Variants in DIP2B observed in about 807,000 individuals in gnomAD.
DIP2B encodes DIP2 acetate--CoA ligase B (putative), also known as disco-interacting protein 2 homolog B.
Under a neutral mutation model 198.0 loss-of-function variants are expected in DIP2B, and 76 were observed. The observed-to-expected ratio is 0.38, with a 90% CI of 0.32 to 0.46. DIP2B has a LOEUF of 0.46. Among genes scored for constraint, DIP2B ranks in the 20% least tolerant of loss-of-function variants. The pLI, the probability that DIP2B is intolerant of heterozygous loss-of-function variation, is 0.99. For missense variants in DIP2B, 1,559 were observed against 1,978.4 expected, an observed-to-expected ratio of 0.79 and a Z score of 4.02; for synonymous variants, 701 against 739.1, an observed-to-expected ratio of 0.95 and a Z score of 0.84.
intron 1 of DIP2B, among the ~76,000 whole-genome samples, chr12:50,594,026 C>T (rs1004410318): frequency 6.1e-5 from 9 of 148,694 alleles, no homozygotes; most frequent in Admixed American, 1.4e-4. Flanking sequence ...CTGCAACCTC[C>T]GCCTCCCAGG....
intron 1 of DIP2B, among the ~76,000 whole-genome samples, chr12:50,549,876 T>C (rs1958412107): frequency 6.6e-6 from 1 of 152,136 alleles, no homozygotes; most frequent in Non-Finnish European, 1.5e-5. Context: ...TTTTTTTCTT[T>C]TTTAGATAGA....
chr12:50,676,524 A>G (rs906719302), intron 7 of DIP2B, among the ~76,000 whole-genome samples: 107 of 152,358 alleles, frequency 7.0e-4, no homozygotes, highest in African/African-American at 2.5e-3. Context: ...TAGCCTTTCC[A>G]GTGTTTTTAG....
intron 1 of DIP2B, among the ~76,000 whole-genome samples, chr12:50,510,891 C>T (rs1369174300): frequency 1.3e-5 from 2 of 151,358 alleles, no homozygotes; most frequent in East Asian, 3.9e-4. Flanking sequence ...GTGATCCGCC[C>T]ACCTCGGCCT....
intron 1 of DIP2B, among the ~76,000 whole-genome samples, chr12:50,577,710 G>C (rs1305887133): frequency 6.6e-6 from 1 of 151,348 alleles, no homozygotes; most frequent in Non-Finnish European, 1.5e-5. Flanking sequence ...AATCTCTTTA[G>C]TGTCTGGATT....
intron 32 of DIP2B, among the ~76,000 whole-genome samples, chr12:50,733,888 C>T (rs1940092070): frequency 6.6e-6 from 1 of 152,158 alleles, no homozygotes; most frequent in South Asian, 2.1e-4. Flanking sequence ...TTTGCAAGTC[C>T]CTGGGTTGCC....
intron 3 of DIP2B, among the ~76,000 whole-genome samples, chr12:50,652,945 GT>G (rs34937091): frequency 5.3e-4 from 77 of 145,300 alleles, no homozygotes; most frequent in African/African-American, 6.5e-4. Flanking sequence ...AAACACAACT[GT>G]TTTTTTTTTT....
At chr12:50,588,407 C>T (rs944977338) in intron 1 of DIP2B, among the ~76,000 whole-genome samples, 44 of 152,216 alleles carry the variant, frequency 2.9e-4, no homozygotes, top group African/African-American at 9.9e-4. Context: ...GCCTCAGCCT[C>T]CCAAAGTGCT....
At chr12:50,581,769 A>G (rs1244890156) in intron 1 of DIP2B, among the ~76,000 whole-genome samples, 1 of 152,202 alleles carries the variant, frequency 6.6e-6, no homozygotes, top group African/African-American at 2.4e-5. Context: ...TGCCCTGTCC[A>G]TACTTTACTT....
intron 19 of DIP2B, among the ~76,000 whole-genome samples, chr12:50,700,608 GGCTAA>G (rs1387508771): frequency 6.6e-6 from 1 of 152,062 alleles, no homozygotes; most frequent in Non-Finnish European, 1.5e-5. Flanking sequence ...ACCTGAAAAG[GGCTAA>G]GAGCTCCTGG....
intron 3 of DIP2B, among the ~76,000 whole-genome samples, chr12:50,659,728 G>A (rs1938613116): frequency 6.6e-6 from 1 of 151,992 alleles, no homozygotes; most frequent in Non-Finnish European, 1.5e-5. Flanking sequence ...TAGAACTGAG[G>A]GGTCTCAACC....
intron 1 of DIP2B, among the ~76,000 whole-genome samples, chr12:50,554,988 C>T (rs944079519): frequency 1.4e-5 from 2 of 139,092 alleles, no homozygotes; most frequent in East Asian, 4.6e-4. Flanking sequence ...AGGATGGTCT[C>T]TTGTCTCCTG....
intron 13 of DIP2B, 144 bp downstream of exon 13, chr12:50,691,295 C>A (rs1939218147): frequency 1.3e-6 from 1 of 795,234 alleles, no homozygotes; most frequent in East Asian, 3.0e-5. Context: ...CTTTTGTTTT[C>A]TTCTTCTCAA....
chr12:50,683,323 C>CA, intron 10 of DIP2B, 75 bp downstream of exon 10: 1 of 1,244,058 alleles, frequency 8.0e-7, no homozygotes, highest in Non-Finnish European at 1.1e-6. Context: ...TAGATGTAGT[C>CA]ACAACAGTAA....
chr12:50,580,218 C>T lies in DIP2B; in HGVS notation c.101-45758C>T, dbSNP rs1031838686. Among the ~76,000 whole-genome samples the T allele has an allele frequency of 1.2e-4, 18 of 148,710 alleles. 1 individual carries two copies. Among genetic ancestry groups the T allele is most frequent in the African/African-American group, 3.7e-4 (15 of 40,654 alleles). ...AGAGACTCTTAGGCTAAAAAGGGCC[C>T]TCCAGAGGTCTCAGCACTACACACT... On this transcript the variant is annotated intron_variant, in intron 1 of 37. Transcript: ENST00000301180.
intron 1 of DIP2B, among the ~76,000 whole-genome samples, chr12:50,617,911 G>A (rs1359922361): frequency 6.6e-6 from 1 of 152,210 alleles, no homozygotes; most frequent in Non-Finnish European, 1.5e-5. Flanking sequence ...GTATTTTGAA[G>A]TGATTCATAG....
At chr12:50,535,808 A>T (rs1408787128) in intron 1 of DIP2B, among the ~76,000 whole-genome samples, 1 of 150,654 alleles carries the variant, frequency 6.6e-6, no homozygotes, top group Admixed American at 6.6e-5. Context: ...TTAACTCGTC[A>T]CTTAGCATTA....
At chr12:50,641,644 AG>A (rs966910734) in intron 3 of DIP2B, among the ~76,000 whole-genome samples, 1 of 152,218 alleles carries the variant, frequency 6.6e-6, no homozygotes, top group Admixed American at 6.5e-5. Context: ...AAGTACCCAC[AG>A]GAAGGGAAGG....
intron 12 of DIP2B, among the ~76,000 whole-genome samples, chr12:50,689,965 C>A (rs774485224): frequency 4.3e-4 from 66 of 152,034 alleles, no homozygotes; most frequent in Non-Finnish European, 8.1e-4. Flanking sequence ...ATATAACAAT[C>A]AAAAAATTGG....
chr12:50,522,585 C>T (rs756714712), intron 1 of DIP2B, among the ~76,000 whole-genome samples: 3 of 152,140 alleles, frequency 2.0e-5, no homozygotes, highest in African/African-American at 4.8e-5. Context: ...ATGGGGAGAA[C>T]GTGCAAACGC....
Sources: gnomAD v4.1 joint callset for allele counts (sites outside exome capture counted in the v4.1 genomes callset) on GRCh38, gnomAD v4.1.1 for gene constraint, MANE v1.5 for transcripts, NCBI Gene and HGNC (gene_info 2026-07-23, HGNC 2026-07-21) for gene names.